The following DGKB variants were observed in gnomAD, a reference collection of about 807,000 sequenced individuals.
DGKB encodes the protein diacylglycerol kinase beta.
Under a neutral mutation model 114.3 loss-of-function variants are expected in DGKB, and 67 were observed. That is an observed-to-expected ratio of 0.59 (90% CI 0.48 to 0.72). The LOEUF is 0.72. Among genes scored for constraint, DGKB ranks in the 30% least tolerant of loss-of-function variants. The pLI is 0.00. For synonymous variants in DGKB, 398 were observed against 323.1 expected (o/e 1.23, Z -2.49); for missense variants, 907 against 975.2 (o/e 0.93, Z 0.93).
At position 14,868,903 on chromosome 7, in the gene DGKB, G is replaced by C. The variant is rs75218876; in HGVS notation, c.-187-27453C>G. On this transcript the variant is annotated intron_variant, in intron 1 of 25. Coordinates refer to ENST00000402815, the MANE Select transcript of DGKB (RefSeq NM_001350709.2). ...CTGTTAGTTCTTTGCTTCCTTGCAT[G>C]GATGCAAATTTTAAATTCCTCAGGG... Among the ~76,000 whole-genome samples, 342 of 152,278 alleles carry C rather than the reference G, an allele frequency of 2.2e-3. 1 individual carries two copies. Among genetic ancestry groups the C allele is most frequent in the African/African-American group, 8.1e-3 (337 of 41,578 alleles).
intron 23 of DGKB, among the ~76,000 whole-genome samples, chr7:14,323,314 G>A (rs1038277284): frequency 6.6e-5 from 10 of 152,068 alleles, no homozygotes; most frequent in African/African-American, 2.2e-4. Flanking sequence ...GGTGTTGGCC[G>A]TGTTCTATTT....
At chr7:14,861,426 A>C (rs1850958943) in intron 1 of DGKB, among the ~76,000 whole-genome samples, 1 of 152,038 alleles carries the variant, frequency 6.6e-6, no homozygotes, top group African/African-American at 2.4e-5. Flanking sequence ...TAGTAAACAT[A>C]GCTGATCTTT....
chr7:14,182,768 T>C (rs1782827612), intron 23 of DGKB, among the ~76,000 whole-genome samples: 1 of 152,234 alleles, frequency 6.6e-6, no homozygotes, highest in Non-Finnish European at 1.5e-5. Flanking sequence ...GTCTTCATTT[T>C]TGACAGTTAT....
chr7:14,659,785 G>A (rs1313231295), intron 13 of DGKB, among the ~76,000 whole-genome samples: 1 of 150,782 alleles, frequency 6.6e-6, no homozygotes, highest in Non-Finnish European at 1.5e-5. Context: ...TAGGAGTGGT[G>A]AGAGAGGGCA....
chr7:14,667,891 T>C (rs945730734), intron 13 of DGKB, among the ~76,000 whole-genome samples: 4 of 152,078 alleles, frequency 2.6e-5, no homozygotes, highest in Non-Finnish European at 5.9e-5. Flanking sequence ...GTGATTTAAA[T>C]TGATTTATTA....
intron 2 of DGKB, among the ~76,000 whole-genome samples, chr7:14,830,341 G>A (rs1846241738): frequency 6.7e-6 from 1 of 150,298 alleles, no homozygotes; most frequent in Admixed American, 6.7e-5. Context: ...CCAAGGCAGA[G>A]CTTTTAAGAG....
At chr7:14,306,031 T>TA (rs1285043231) in intron 23 of DGKB, among the ~76,000 whole-genome samples, 1 of 152,078 alleles carries the variant, frequency 6.6e-6, no homozygotes. Flanking sequence ...TTTATTCATC[T>TA]AGTTGGTCTG....
intron 17 of DGKB, among the ~76,000 whole-genome samples, chr7:14,589,128 C>T (rs4721350): frequency 2.0e-5 from 3 of 151,580 alleles, no homozygotes; most frequent in Admixed American, 6.6e-5. Context: ...ATTTATTCTT[C>T]GTTGTTTTGT....
intron 23 of DGKB, among the ~76,000 whole-genome samples, chr7:14,257,450 GT>G (rs1457003636): frequency 6.6e-6 from 1 of 152,050 alleles, no homozygotes; most frequent in Non-Finnish European, 1.5e-5. Flanking sequence ...GTTTGGCTGT[GT>G]CCCCACTCAA....
intron 21 of DGKB, among the ~76,000 whole-genome samples, chr7:14,393,259 G>C (rs907588308): frequency 7.2e-5 from 11 of 152,010 alleles, no homozygotes; most frequent in South Asian, 4.2e-4. Context: ...AAAGTGCTGG[G>C]ATTACAGGCG....
At chr7:14,780,950 CT>C (rs1316158510) in intron 2 of DGKB, among the ~76,000 whole-genome samples, 1 of 152,000 alleles carries the variant, frequency 6.6e-6, no homozygotes, top group African/African-American at 2.4e-5. Flanking sequence ...GTTTCTTTTC[CT>C]TGTTGTCATG....
intron 23 of DGKB, among the ~76,000 whole-genome samples, chr7:14,222,280 C>T (rs919631299): frequency 1.9e-4 from 28 of 150,842 alleles, no homozygotes; most frequent in Middle Eastern, 6.8e-3. Flanking sequence ...TTTCTTAATG[C>T]TTACATTTAG....
intron 4 of DGKB, among the ~76,000 whole-genome samples, chr7:14,741,331 G>A (rs1000368559): frequency 1.3e-5 from 2 of 152,166 alleles, no homozygotes; most frequent in Non-Finnish European, 2.9e-5. Flanking sequence ...TCTCCGTAAA[G>A]TTTTGATTAA....
At chr7:14,973,292 T>G (rs999315372) in intron 1 of DGKB, among the ~76,000 whole-genome samples, 2 of 151,914 alleles carry the variant, frequency 1.3e-5, no homozygotes, top group African/African-American at 4.8e-5. Context: ...ACATTTTTAA[T>G]TGAAATTAAA....
intron 1 of DGKB, among the ~76,000 whole-genome samples, chr7:14,890,165 T>C (rs1428035171): frequency 6.6e-6 from 1 of 151,550 alleles, no homozygotes; most frequent in African/African-American, 2.4e-5. Flanking sequence ...TGCTATATTG[T>C]GTTCCAGACA....
chr7:14,703,325 G>A (rs1217487805), intron 6 of DGKB, among the ~76,000 whole-genome samples: 1 of 152,112 alleles, frequency 6.6e-6, no homozygotes, highest in Non-Finnish European at 1.5e-5. Flanking sequence ...TCAAATTTGT[G>A]GAAACCCTGT....
intron 23 of DGKB, among the ~76,000 whole-genome samples, chr7:14,256,157 G>T (rs1458879234): frequency 6.6e-6 from 1 of 152,036 alleles, no homozygotes; most frequent in Non-Finnish European, 1.5e-5. Context: ...GCTTTTTACT[G>T]AATCAGTTTT....
At chr7:14,746,416 A>C (rs759231821) in intron 4 of DGKB, among the ~76,000 whole-genome samples, 1 of 152,190 alleles carries the variant, frequency 6.6e-6, no homozygotes, top group Non-Finnish European at 1.5e-5. Flanking sequence ...TTGGGCACAT[A>C]ATATATAAAA....
chr7:14,921,694 G>A (rs1784514105), intron 1 of DGKB, among the ~76,000 whole-genome samples: 1 of 152,142 alleles, frequency 6.6e-6, no homozygotes, highest in Non-Finnish European at 1.5e-5. Flanking sequence ...ATGTCAACAT[G>A]GCAGAAATTG....
Sources: gnomAD v4.1 joint callset for allele counts (sites outside exome capture counted in the v4.1 genomes callset) on GRCh38, gnomAD v4.1.1 for gene constraint, MANE v1.5 for transcripts, NCBI Gene and HGNC (gene_info 2026-07-23, HGNC 2026-07-21) for gene names.